The following DZANK1 variants were observed in gnomAD, a reference collection of about 807,000 sequenced individuals.
DZANK1 encodes double zinc ribbon and ankyrin repeat domains 1, also known as double zinc ribbon and ankyrin repeat-containing protein 1.
A neutral mutation model predicts 94.5 loss-of-function variants in DZANK1; 91 were observed. The ratio of observed to expected loss-of-function variants is 0.96; its 90% CI spans 0.81 to 1.15. The LOEUF (loss-of-function observed/expected upper bound fraction) is 1.15, where lower values mean the gene tolerates loss of function less well. Ranked by LOEUF, DZANK1 falls within the 50% of genes most tolerant of loss-of-function variation. The pLI, the probability that DZANK1 is intolerant of heterozygous loss-of-function variation, is 0.00. For missense variants in DZANK1, 903 were observed against 916.4 expected (o/e 0.99, Z 0.19); for synonymous variants, 312 against 325.3 (o/e 0.96, Z 0.44).
intron 10 of DZANK1, among the ~76,000 whole-genome samples, chr20:18,419,312 C>A (rs2057653415): frequency 6.7e-6 from 1 of 150,162 alleles, no homozygotes; most frequent in African/African-American, 2.4e-5. Flanking sequence ...TAGATAATAT[C>A]AAACAATTCA....
exon 11 of DZANK1, chr20:18,415,443 A>C (rs748913929): frequency 2.0e-6 from 3 of 1,521,602 alleles, no homozygotes; most frequent in African/African-American, 2.8e-5. Context: ...TCCCCACTGC[A>C]CATCGACTGG....
intron 9 of DZANK1, among the ~76,000 whole-genome samples, chr20:18,429,844 A>C (rs1260833732): frequency 2.6e-5 from 4 of 152,206 alleles, no homozygotes; most frequent in Non-Finnish European, 5.9e-5. Context: ...CACAGTTAGA[A>C]ATCATTTTAT....
At chr20:18,459,159 G>A (rs2059390204) in intron 3 of DZANK1, among the ~76,000 whole-genome samples, 1 of 152,152 alleles carries the variant, frequency 6.6e-6, no homozygotes, top group Non-Finnish European at 1.5e-5. Context: ...AGAGTATTGA[G>A]GTTCTTAATT....
chr20:18,447,246 G>A (rs2058911651), intron 7 of DZANK1, among the ~76,000 whole-genome samples: 2 of 151,978 alleles, frequency 1.3e-5, no homozygotes, highest in East Asian at 2.0e-4. Context: ...GAGGTTGAGG[G>A]GAGCAGATCA....
rs762458528 is a variant in DZANK1, at chr20:18,394,310, AG to A, written c.1651del (p.Leu551PhefsTer2). 1.3e-5 allele frequency: 21 copies of A among 1,613,758 alleles called. No homozygotes were observed. In the South Asian group the frequency reaches 2.1e-4, roughly 16 times the overall value. On this transcript the variant is annotated frameshift_variant, in exon 16 of 21. Transcript: ENST00000262547. LOFTEE classifies it high-confidence loss of function. ...ATCACCCTCGGCAGCACTGCTCAGA[AG>A]GTGATCGCTGAAATTCACTGCCTTG... is the stretch of plus-strand genomic sequence containing the variant.
At chr20:18,431,113 T>A (rs1000031069) in intron 9 of DZANK1, among the ~76,000 whole-genome samples, 10 of 152,064 alleles carry the variant, frequency 6.6e-5, no homozygotes, top group Non-Finnish European at 1.3e-4. Context: ...TTACAAAAAA[T>A]TAGGTATTAA....
chr20:18,389,737 A>C, exon 19 of DZANK1: 1 of 1,613,928 alleles, frequency 6.2e-7, no homozygotes, highest in Non-Finnish European at 8.5e-7. Flanking sequence ...TCCTCTCTGC[A>C]CGAGAACTGG....
chr20:18,410,856 G>C (rs76997139), intron 13 of DZANK1, among the ~76,000 whole-genome samples: 5,663 of 152,144 alleles, frequency 0.037, 274 homozygotes, highest in African/African-American at 0.12. Context: ...TAGATTGAGG[G>C]AAGAGGATCA....
At chr20:18,465,191 A>G in intron 2 of DZANK1, 59 bp downstream of exon 2, 6 of 1,167,998 alleles carry the variant, frequency 5.1e-6, no homozygotes, top group Non-Finnish European at 7.3e-6. Flanking sequence ...CAGCAACCAG[A>G]TAACACAAGA....
intron 2 of DZANK1, among the ~76,000 whole-genome samples, chr20:18,464,667 CTTTTTTTTTTTTT>C (rs1167738427): frequency 6.0e-4 from 47 of 77,824 alleles, no homozygotes; most frequent in Non-Finnish European, 1.0e-3. Context: ...AGCACCGGGA[CTTTTTTTTTTTTT>C]TTTTTTTTTT....
At chr20:18,395,298 T>C (rs1600736507) in intron 15 of DZANK1, among the ~76,000 whole-genome samples, 1 of 148,734 alleles carries the variant, frequency 6.7e-6, no homozygotes, top group South Asian at 2.2e-4. Flanking sequence ...GAGGGGGAGG[T>C]TTGCAGTGAG....
At chr20:18,464,830 C>G (rs1038766848) in intron 2 of DZANK1, among the ~76,000 whole-genome samples, 1 of 152,026 alleles carries the variant, frequency 6.6e-6, no homozygotes, top group African/African-American at 2.4e-5. Flanking sequence ...TGCCCACCAC[C>G]ATGTCTGGCT....
intron 8 of DZANK1, among the ~76,000 whole-genome samples, chr20:18,439,898 G>T (rs1339179614): frequency 6.6e-6 from 1 of 152,092 alleles, no homozygotes; most frequent in Non-Finnish European, 1.5e-5. Context: ...GTGCCCCCCA[G>T]AATTCATTAT....
chr20:18,456,343 T>C (rs2059290762), intron 3 of DZANK1, among the ~76,000 whole-genome samples: 2 of 152,244 alleles, frequency 1.3e-5, no homozygotes, highest in South Asian at 4.1e-4. Flanking sequence ...GCCGTGCCCA[T>C]GACTAAAAAC....
At chr20:18,393,452 G>A (rs551249399) in intron 17 of DZANK1, among the ~76,000 whole-genome samples, 3 of 152,304 alleles carry the variant, frequency 2.0e-5, no homozygotes, top group African/African-American at 7.2e-5. Context: ...GCAAACCAAA[G>A]TCGAAAGATA....
chr20:18,386,838 A>G (rs75987821), intron 19 of DZANK1, among the ~76,000 whole-genome samples: 4,149 of 152,288 alleles, frequency 0.027, 93 homozygotes, highest in African/African-American at 0.057. Flanking sequence ...ATCTAAAAAT[A>G]CCCTTGTGGA....
At chr20:18,396,621 T>G (rs1026819472) in intron 14 of DZANK1, 75 bp from the exon 15 acceptor site, 5 of 1,022,166 alleles carry the variant, frequency 4.9e-6, no homozygotes, top group Non-Finnish European at 5.8e-6. Context: ...GTGTACAAAT[T>G]CTGAGATGTC....
intron 13 of DZANK1, among the ~76,000 whole-genome samples, chr20:18,400,738 A>T (rs2056627238): frequency 6.6e-6 from 1 of 152,192 alleles, no homozygotes; most frequent in African/African-American, 2.4e-5. Flanking sequence ...CAAAGTAGCC[A>T]TTTATCCCAC....
Position 18,427,606 on chromosome 20 carries a change from GGTGTGT to G in DZANK1, c.862-453_862-448del, listed in dbSNP as rs11474236. Among the ~76,000 whole-genome samples, 523 of 148,754 alleles carry G rather than the reference GGTGTGT, an allele frequency of 3.5e-3. 2 individuals carry two copies. The highest frequency in any genetic ancestry group is 5.3e-3 in the Non-Finnish European group (353 of 66,918). On this transcript the variant is annotated intron_variant, in intron 9 of 20. Coordinates refer to ENST00000262547, the Ensembl canonical transcript of DZANK1. Reference sequence around the variant, plus strand: ...TCTGCACTGGTTATGTGTAAGGTTGGGTGTGTGTGTGTGTGTGTGTGTGTGTGTGTG... The same window carrying G: ...TCTGCACTGGTTATGTGTAAGGTTGGGTGTGTGTGTGTGTGTGTGTGTGTG...
Sources: allele counts gnomAD v4.1 joint callset (sites outside exome capture counted in the v4.1 genomes callset), GRCh38; gene constraint gnomAD v4.1.1; transcripts MANE v1.5; gene names NCBI Gene and HGNC (gene_info 2026-07-23, HGNC 2026-07-21).